The following RIPK2 variants were observed in gnomAD, a reference collection of about 807,000 sequenced individuals.
RIPK2 encodes the protein receptor interacting serine/threonine kinase 2, also known as receptor-interacting serine/threonine-protein kinase 2.
In RIPK2, 38 loss-of-function variants were observed where a neutral mutation model predicts 60.9. That is an observed-to-expected ratio of 0.62 (90% CI 0.48 to 0.82). The LOEUF (loss-of-function observed/expected upper bound fraction) is 0.82, where lower values mean the gene tolerates loss of function less well. RIPK2 is among the 40% of genes least tolerant of loss of function. The probability of loss-of-function intolerance (pLI) is 0.00; values close to 1 mark genes in which losing one functional copy is unlikely to be tolerated. For missense variants in RIPK2, 518 were observed against 647.0 expected, an observed-to-expected ratio of 0.80 and a Z score of 2.16; for synonymous variants, 225 against 223.4, an observed-to-expected ratio of 1.01 and a Z score of -0.06.
At chr8:89,788,828 G>C (rs1227527641) in intron 9 of RIPK2, among the ~76,000 whole-genome samples, 2 of 151,884 alleles carry the variant, frequency 1.3e-5, no homozygotes, top group Non-Finnish European at 2.9e-5. Context: ...GGGAGGCAGG[G>C]AGGGAGGAAG....
At chr8:89,778,755 G>A (rs76938743) in intron 6 of RIPK2, among the ~76,000 whole-genome samples, 1,634 of 152,224 alleles carry the variant, frequency 0.011, 22 homozygotes, top group African/African-American at 0.033. Context: ...TTGCCTCTGT[G>A]AATAATGCTG....
rs554829154 is a variant in RIPK2 at position 89,766,614 on chromosome 8, T to G, written c.483+1118T>G. On this transcript the variant is annotated intron_variant, in intron 3 of 10. Transcript: ENST00000220751. ...GTTATAGTTTATCTTTTCATCCTTT[T>G]AACAGGGACTTTCACAAAGCAAAAT... 7.2e-5 allele frequency among the ~76,000 whole-genome samples: 11 copies of G among 151,748 alleles called. No homozygotes were observed. The South Asian group carries it at 2.3e-3, about 31-fold the overall frequency.
intron 6 of RIPK2, among the ~76,000 whole-genome samples, chr8:89,778,587 C>G (rs547208664): frequency 1.3e-5 from 2 of 152,290 alleles, no homozygotes; most frequent in African/African-American, 2.4e-5. Flanking sequence ...TTGCATCTGG[C>G]TCTTTTCACA....
At chr8:89,785,923 A>G (rs1171668884) in intron 8 of RIPK2, among the ~76,000 whole-genome samples, 1 of 152,204 alleles carries the variant, frequency 6.6e-6, no homozygotes, top group East Asian at 1.9e-4. Flanking sequence ...TCCATGTGGA[A>G]GGAACCTGAG....
chr8:89,786,556 T>G (rs1435224080), intron 8 of RIPK2, 37 bp from the exon 9 acceptor site: 1 of 1,120,230 alleles, frequency 8.9e-7, no homozygotes. Flanking sequence ...TCGATAATTT[T>G]TATTAACCTA....
At chr8:89,777,389 A>G (rs1051044033) in intron 6 of RIPK2, among the ~76,000 whole-genome samples, 1 of 152,250 alleles carries the variant, frequency 6.6e-6, no homozygotes, top group Admixed American at 6.5e-5. Context: ...AGAAAGAAAC[A>G]AAATGTGAAC....
In RIPK2 at chr8:89,769,919, G is replaced by A. The variant is rs879490533; in HGVS notation, c.631G>A (p.Asp211Asn). The change falls in exon 4 of 11, where the codon GAT (aspartate) becomes AAT (asparagine). Residue 211 changes from aspartate to asparagine, a missense_variant. By Grantham distance (23) the Asp-to-Asn change is conservative. Coordinates refer to ENST00000220751, the MANE Select transcript of RIPK2 (RefSeq NM_003821.6). ...GQKSRASIKHDIYSYAVITWE... is the reference protein window; with the variant it reads ...GQKSRASIKHNIYSYAVITWE... ...AAAATCAAGGGCCAGTATCAAGCACGATATATATAGGTAGAGTAAAGTTGC... is the reference window on the plus strand; with the variant it reads ...AAAATCAAGGGCCAGTATCAAGCACAATATATATAGGTAGAGTAAAGTTGC... 3 of 1,599,040 alleles carry A rather than the reference G, an allele frequency of 1.9e-6. No homozygotes were observed. The highest frequency in any genetic ancestry group is 2.3e-5 in the East Asian group (1 of 43,824).
intron 5 of RIPK2, among the ~76,000 whole-genome samples, 164 bp downstream of exon 5, chr8:89,771,954 A>G (rs1447883868): frequency 1.3e-5 from 2 of 152,126 alleles, no homozygotes; most frequent in Non-Finnish European, 2.9e-5. Flanking sequence ...TGCAAAATAT[A>G]CCGGGTTAAG....
intron 3 of RIPK2, among the ~76,000 whole-genome samples, chr8:89,768,302 A>G (rs1563611747): frequency 8.1e-6 from 1 of 123,048 alleles, no homozygotes; most frequent in Non-Finnish European, 1.9e-5. Context: ...GTCTCTTAAG[A>G]CCTTTTTGAA....
rs1809316084 is a variant in RIPK2, at chr8:89,771,750, T to C, written c.651T>C (p.Val217=). The C allele has an allele frequency of 1.2e-6, 2 of 1,605,010 alleles. No individual in the cohort carries two copies. Among genetic ancestry groups the C allele is most frequent in the Admixed American group, 1.7e-5 (1 of 59,016 alleles). The change falls in exon 5 of 11, where the codon GTT becomes GTC. Residue 217 remains valine (V), a synonymous_variant. Transcript: ENST00000220751. The stretch of plus-strand genomic sequence containing the variant: ...TTCTTATGTTAAACAGCTATGCAGT[T>C]ATCACATGGGAAGTGTTATCCAGAA... ...SIKHDIYSYA[V]ITWEVLSRKQ...
At position 89,757,841 on chromosome 8, in the gene RIPK2, C is replaced by T. The variant is rs1004321406; in HGVS notation, c.-220C>T. On this transcript the variant is annotated 5_prime_UTR_variant, in exon 1 of 11. Transcript: ENST00000220751. ...CTTTCGCGGCGCTACGGCGTTGGCA[C>T]CAGTCTCTAGAAAAGAAGTCAGCTC... 8.5e-6 allele frequency: 11 copies of T among 1,300,346 alleles called. No homozygotes were observed. Among genetic ancestry groups the T allele is most frequent in the Admixed American group, 3.9e-5 (1 of 25,420 alleles). The allele number at this position is 1,300,346 out of a possible 1,614,324, so 80.6% of individuals were successfully genotyped here.
rs1055527850 is a variant in RIPK2 at position 89,768,695 on chromosome 8, AT to A, written c.484-1069del. ...AATTTTAAAATTCTTGATTATTTTT[AT>A]TTTTTTTCTTAAATTGACTCTTTTA... is the stretch of plus-strand genomic sequence containing the variant. On this transcript the variant is annotated intron_variant, in intron 3 of 10. Transcript: ENST00000220751. 4.6e-5 allele frequency among the ~76,000 whole-genome samples: 7 copies of A among 151,152 alleles called. No individual in the cohort carries two copies. In the East Asian group the frequency reaches 1.2e-3, roughly 25 times the overall value.
At chr8:89,760,808 C>T (rs1255980955) in intron 1 of RIPK2, among the ~76,000 whole-genome samples, 1 of 152,154 alleles carries the variant, frequency 6.6e-6, no homozygotes, top group Non-Finnish European at 1.5e-5. Context: ...AGAAGAATGC[C>T]TCTTAATGGG....
chr8:89,766,706 G>C (rs1285179409), intron 3 of RIPK2, among the ~76,000 whole-genome samples: 1 of 151,484 alleles, frequency 6.6e-6, no homozygotes, highest in Non-Finnish European at 1.5e-5. Flanking sequence ...TCTAATAGAT[G>C]TGTAGTGATA....
At chr8:89,760,975 T>C (rs1183036018) in intron 1 of RIPK2, among the ~76,000 whole-genome samples, 1 of 152,196 alleles carries the variant, frequency 6.6e-6, no homozygotes, top group African/African-American at 2.4e-5. Flanking sequence ...AAACATTTAA[T>C]TAAAATGGGT....
chr8:89,772,593 A>T, intron 5 of RIPK2, 74 bp from the exon 6 acceptor site: 1 of 1,061,722 alleles, frequency 9.4e-7, no homozygotes, highest in Non-Finnish European at 1.3e-6. Context: ...ATTTTCTTTT[A>T]GTTAGTTTTA....
intron 6 of RIPK2, among the ~76,000 whole-genome samples, chr8:89,779,821 G>A (rs567065959): frequency 6.6e-6 from 1 of 152,270 alleles, no homozygotes; most frequent in Non-Finnish European, 1.5e-5. Flanking sequence ...ATCATTTATT[G>A]AAAAGGCTAT....
At chr8:89,764,110 A>G (rs952462632) in intron 2 of RIPK2, among the ~76,000 whole-genome samples, 3 of 152,056 alleles carry the variant, frequency 2.0e-5, no homozygotes, top group African/African-American at 4.8e-5. Context: ...CCCCCATATT[A>G]TATTATGCTG....
chr8:89,786,697 T>A lies in RIPK2; in HGVS notation c.1123+11T>A, dbSNP rs1809593434. 3 of 1,415,794 alleles carry A rather than the reference T, an allele frequency of 2.1e-6. No homozygotes were observed. Among genetic ancestry groups the A allele is most frequent in the Non-Finnish European group, 2.9e-6 (3 of 1,019,462 alleles). The allele number at this position is 1,415,794 out of a possible 1,614,324, so 87.7% of individuals were successfully genotyped here. A position where few individuals can be genotyped will look rare whatever the true frequency, so the allele number is the denominator to read the frequency against. ...ATGATTTTTTATCTAGTATGTAGAT[T>A]TTCCAATCATTATTTACTTGCAAGT... On this transcript the variant is annotated intron_variant, in intron 9 of 10. Coordinates refer to ENST00000220751, the MANE Select transcript of RIPK2 (RefSeq NM_003821.6).
Sources: gnomAD v4.1 joint callset for allele counts (sites outside exome capture counted in the v4.1 genomes callset) on GRCh38, gnomAD v4.1.1 for gene constraint, MANE v1.5 for transcripts, NCBI Gene and HGNC (gene_info 2026-07-23, HGNC 2026-07-21) for gene names.